Variants in NFIA observed in about 807,000 individuals in gnomAD.
NFIA encodes nuclear factor 1 A-type.
NFIA carries 8 observed loss-of-function variants against 62.8 expected under a neutral mutation model. The ratio of observed to expected loss-of-function variants is 0.13; its 90% confidence interval spans 0.07 to 0.23. NFIA has a LOEUF of 0.23. Among genes scored for constraint, NFIA ranks in the 10% least tolerant of loss-of-function variants. The pLI is 1.00. For synonymous variants in NFIA, 235 were observed against 238.1 expected (o/e 0.99, Z 0.12); for missense variants, 410 against 642.1 (o/e 0.64, Z 3.91).
chr1:61,085,706 G>A (rs1179594226), intron 1 of NFIA, among the ~76,000 whole-genome samples: 1 of 151,990 alleles, frequency 6.6e-6, no homozygotes, highest in African/African-American at 2.4e-5. Context: ...TACTTTAATT[G>A]TGCATATGAG....
At chr1:61,249,006 T>A (rs1383525677) in intron 2 of NFIA, 2 of 152,236 alleles carry the variant, frequency 1.3e-5, no homozygotes, top group Non-Finnish European at 2.9e-5. Context: ...TGTGTATATC[T>A]CCTTTTAATT....
chr1:61,114,337 T>G (rs1646760855), intron 2 of NFIA, among the ~76,000 whole-genome samples: 1 of 152,066 alleles, frequency 6.6e-6, no homozygotes, highest in African/African-American at 2.4e-5. Flanking sequence ...TTTTTTTTTT[T>G]TAGTCAGCCA....
At chr1:61,222,431 C>T (rs1654075226) in intron 2 of NFIA, among the ~76,000 whole-genome samples, 1 of 152,064 alleles carries the variant, frequency 6.6e-6, no homozygotes, top group Admixed American at 6.6e-5. Flanking sequence ...ATTCTTGAAT[C>T]ATCTGTTACA....
At chr1:61,145,840 A>T (rs146862239) in intron 2 of NFIA, among the ~76,000 whole-genome samples, 2 of 152,152 alleles carry the variant, frequency 1.3e-5, no homozygotes, top group African/African-American at 4.8e-5. Flanking sequence ...CTTCTCTGAC[A>T]TGTCCTGGTG....
rs547100872 is a variant in NFIA at position 61,397,638 on chromosome 1, T to C, written c.1076-6466T>C. On this transcript the variant is annotated intron_variant, in intron 7 of 10. Coordinates refer to ENST00000403491, the MANE Select transcript of NFIA (RefSeq NM_001134673.4). ...CTTATATACATTGTCTCATTTAGTC[T>C]TCACAACAGCGCTATGAGGTATTAT... Among the ~76,000 whole-genome samples the C allele has an allele frequency of 4.6e-5, 7 of 152,304 alleles. No homozygotes were observed. The South Asian group carries it at 1.4e-3, about 32-fold the overall frequency.
At position 61,364,658 on chromosome 1, in the gene NFIA, AAAAC is replaced by A; in HGVS notation, c.946+5388_946+5391del. The stretch of plus-strand genomic sequence containing the variant: ...TTAAGTGAATCAAACCTTTTTTAAA[AAAAC>A]AAATAATAATTCTGTATTATTTCTA... On this transcript the variant is annotated intron_variant, in intron 6 of 10. Transcript: ENST00000403491. 1.3e-5 allele frequency among the ~76,000 whole-genome samples: 2 copies of A among 152,346 alleles called. 1 individual carries two copies. The highest frequency in any genetic ancestry group is 6.8e-3 in the Middle Eastern group (2 of 294).
intron 2 of NFIA, among the ~76,000 whole-genome samples, chr1:61,118,116 T>G (rs1204876381): frequency 1.4e-5 from 2 of 147,338 alleles, no homozygotes; most frequent in Non-Finnish European, 3.0e-5. Context: ...ACCTGGGAGG[T>G]GGAGGTTGCA....
At chr1:61,397,529 C>T (rs776232123) in intron 7 of NFIA, among the ~76,000 whole-genome samples, 4 of 152,072 alleles carry the variant, frequency 2.6e-5, no homozygotes, top group African/African-American at 4.8e-5. Context: ...ATTGCCTATC[C>T]CATTCTTGTC....
chr1:61,201,047 C>T (rs1416875989), intron 2 of NFIA, among the ~76,000 whole-genome samples: 1 of 152,126 alleles, frequency 6.6e-6, no homozygotes, highest in Non-Finnish European at 1.5e-5. Context: ...ACTCCCTCTA[C>T]GTTTTATTTT....
At chr1:61,449,102 C>G (rs1225956461) in intron 10 of NFIA, among the ~76,000 whole-genome samples, 1 of 152,184 alleles carries the variant, frequency 6.6e-6, no homozygotes, top group African/African-American at 2.4e-5. Flanking sequence ...GTCCATGTTA[C>G]AAAACTATTG....
At chr1:61,109,836 A>C (rs984675435) in intron 2 of NFIA, among the ~76,000 whole-genome samples, 1 of 152,030 alleles carries the variant, frequency 6.6e-6, no homozygotes, top group African/African-American at 2.4e-5. Context: ...CATTTTATTC[A>C]TACTATAAAA....
chr1:61,330,641 T>C (rs1163375380), intron 3 of NFIA, among the ~76,000 whole-genome samples: 2 of 152,154 alleles, frequency 1.3e-5, no homozygotes, highest in Non-Finnish European at 2.9e-5. Flanking sequence ...CTTTAAAATA[T>C]ATTGCTTGCT....
intron 6 of NFIA, among the ~76,000 whole-genome samples, chr1:61,381,434 G>C (rs1191940586): frequency 1.3e-5 from 2 of 152,074 alleles, no homozygotes; most frequent in South Asian, 2.1e-4. Flanking sequence ...GGTGTGACTG[G>C]TTACTGATTC....
intron 10 of NFIA, among the ~76,000 whole-genome samples, chr1:61,441,331 G>GTGTGTGTC (rs1360188951): frequency 8.8e-4 from 126 of 142,428 alleles, no homozygotes; most frequent in East Asian, 8.3e-3. Flanking sequence ...GTGTGTGTGT[G>GTGTGTGTC]TGTCTGTCTG....
At position 61,122,691 on chromosome 1, in the gene NFIA, C is replaced by G. The variant is rs191981369; in HGVS notation, c.559+34011C>G. On this transcript the variant is annotated intron_variant, in intron 2 of 10. Transcript: ENST00000403491. ...GTAATAGAATGTTTGGTCCAGAAAC[C>G]AATGTGTGGACTGTGTCTAGGATTA... Among the ~76,000 whole-genome samples, 2 of 152,252 alleles carry G rather than the reference C, an allele frequency of 1.3e-5. 1 individual carries two copies. Among genetic ancestry groups the G allele is most frequent in the Admixed American group, 1.3e-4 (2 of 15,294 alleles).
chr1:61,274,173 G>C (rs1287695760), intron 2 of NFIA, among the ~76,000 whole-genome samples: 1 of 152,208 alleles, frequency 6.6e-6, no homozygotes, highest in African/African-American at 2.4e-5. Context: ...CAATATAGCT[G>C]TAGGCGCCAT....
chr1:61,248,326 A>G (rs1254955680), intron 2 of NFIA, among the ~76,000 whole-genome samples: 1 of 152,198 alleles, frequency 6.6e-6, no homozygotes, highest in African/African-American at 2.4e-5. Context: ...CTTCGGTGAG[A>G]TGGATTTCGT....
intron 3 of NFIA, among the ~76,000 whole-genome samples, chr1:61,312,730 C>T (rs1660183738): frequency 6.6e-6 from 1 of 151,634 alleles, no homozygotes; most frequent in Non-Finnish European, 1.5e-5. Flanking sequence ...TCAGGCTGGT[C>T]TCAAACTCCT....
intron 2 of NFIA, among the ~76,000 whole-genome samples, chr1:61,261,256 T>TG (rs1424998507): frequency 6.6e-6 from 1 of 152,214 alleles, no homozygotes; most frequent in Non-Finnish European, 1.5e-5. Context: ...TCCCCTCTGT[T>TG]GCACTCACAT....
Sources: allele counts gnomAD v4.1 joint callset (sites outside exome capture counted in the v4.1 genomes callset), GRCh38; gene constraint gnomAD v4.1.1; transcripts MANE v1.5; gene names NCBI Gene and HGNC (gene_info 2026-07-23, HGNC 2026-07-21).